Variants in ANKLE2 observed in about 807,000 individuals in gnomAD.
The protein encoded by ANKLE2 is ankyrin repeat and LEM domain containing 2.
ANKLE2 carries 55 observed loss-of-function variants against 84.2 expected under a neutral mutation model. That is an observed-to-expected ratio of 0.65 (90% CI 0.53 to 0.82). ANKLE2 has a LOEUF of 0.82. ANKLE2 is among the 40% of genes least tolerant of loss of function. The probability of loss-of-function intolerance (pLI) is 0.00; values close to 1 mark genes in which losing one functional copy is unlikely to be tolerated. For missense variants in ANKLE2, 1,238 were observed against 1,201.9 expected, an observed-to-expected ratio of 1.03 and a Z score of -0.44; for synonymous variants, 551 against 486.1, an observed-to-expected ratio of 1.13 and a Z score of -1.76.
At chr12:132,740,371 G>C (rs2136135740) in intron 7 of ANKLE2, among the ~76,000 whole-genome samples, 1 of 152,320 alleles carries the variant, frequency 6.6e-6, no homozygotes, top group Non-Finnish European at 1.5e-5. Context: ...TAAAATGTCA[G>C]ACAGTAAATA....
intron 1 of ANKLE2, 173 bp from the exon 2 acceptor site, chr12:132,755,306 G>A (rs890769025): frequency 3.4e-6 from 2 of 589,350 alleles, no homozygotes; most frequent in Non-Finnish European, 5.7e-6. Flanking sequence ...CATTTTGGGA[G>A]GCTGAGGCGG....
At chr12:132,741,328 T>C (rs1405943846) in intron 7 of ANKLE2, 91 bp downstream of exon 7, 14 of 1,315,684 alleles carry the variant, frequency 1.1e-5, no homozygotes, top group Non-Finnish European at 1.4e-5. Context: ...CCCGGGGAGC[T>C]CAGGAAAGCA....
chr12:132,744,563 ACT>A (rs1460222237), intron 5 of ANKLE2, among the ~76,000 whole-genome samples: 1 of 151,628 alleles, frequency 6.6e-6, no homozygotes, highest in Non-Finnish European at 1.5e-5. Context: ...ATCCCTTACA[ACT>A]CTCTCACACG....
At chr12:132,738,828 A>T (rs1566020803) in intron 7 of ANKLE2, 1 of 152,138 alleles carries the variant, frequency 6.6e-6, no homozygotes, top group Admixed American at 6.5e-5. Context: ...CCGGCTGCTT[A>T]TCATAGTTTT....
At chr12:132,753,433 G>A (rs986304490) in intron 2 of ANKLE2, among the ~76,000 whole-genome samples, 1 of 151,900 alleles carries the variant, frequency 6.6e-6, no homozygotes, top group African/African-American at 2.4e-5. Context: ...CAGTTCGAGA[G>A]AAGCGTGGGC....
rs1016009113 is a variant in ANKLE2 at position 132,739,618 on chromosome 12, G to A, written c.1420+1801C>T. Among the ~76,000 whole-genome samples the A allele has an allele frequency of 2.6e-5, 4 of 152,156 alleles. No individual in the cohort carries two copies. The South Asian group carries it at 6.2e-4, about 24-fold the overall frequency. ...ATTTCTGTCTACAGATGGGACTCACGGTCTCTGGACAGTTTTGTGCCTGGC... is the reference window on the plus strand; with the variant it reads ...ATTTCTGTCTACAGATGGGACTCACAGTCTCTGGACAGTTTTGTGCCTGGC... On this transcript the variant is annotated intron_variant, in intron 7 of 12. Coordinates refer to ENST00000357997, the MANE Select transcript of ANKLE2 (RefSeq NM_015114.3).
At chr12:132,730,550 CAGA>C (rs1274710516) in intron 10 of ANKLE2, 4 of 417,396 alleles carry the variant, frequency 9.6e-6, no homozygotes, top group Non-Finnish European at 1.7e-5. Flanking sequence ...GGGCCAGGCA[CAGA>C]AGCTCACGCC....
chr12:132,761,105 C>T (rs7397425), intron 1 of ANKLE2: 47,874 of 152,534 alleles, frequency 0.31, 7,859 homozygotes, highest in East Asian at 0.51. Flanking sequence ...CCAGACCCGA[C>T]AGTCTACCGC....
intron 3 of ANKLE2, among the ~76,000 whole-genome samples, chr12:132,749,787 G>A (rs955015657): frequency 2.0e-5 from 3 of 152,166 alleles, no homozygotes; most frequent in Non-Finnish European, 2.9e-5. Flanking sequence ...GTCAGACTTC[G>A]GGCTGGACCG....
chr12:132,733,782 T>G (rs547904244), intron 10 of ANKLE2, among the ~76,000 whole-genome samples: 2 of 152,296 alleles, frequency 1.3e-5, no homozygotes, highest in East Asian at 3.9e-4. Context: ...AGTATTCTGA[T>G]GTGCACTCGT....
intron 3 of ANKLE2, among the ~76,000 whole-genome samples, chr12:132,749,218 C>T (rs1593172618): frequency 6.6e-6 from 1 of 152,108 alleles, no homozygotes; most frequent in Non-Finnish European, 1.5e-5. Flanking sequence ...TGCAGTGGCG[C>T]GATCTCAGCT....
At chr12:132,738,888 G>C (rs562618461) in intron 7 of ANKLE2, 6 of 151,964 alleles carry the variant, frequency 3.9e-5, no homozygotes, top group African/African-American at 1.5e-4. Flanking sequence ...GCCCATCAAC[G>C]GTCAACTGGA....
intron 5 of ANKLE2, among the ~76,000 whole-genome samples, chr12:132,744,940 A>G (rs1309470963): frequency 6.6e-6 from 1 of 152,212 alleles, no homozygotes; most frequent in Non-Finnish European, 1.5e-5. Flanking sequence ...TCGGCCTCCC[A>G]AAGTGCTGGG....
intron 5 of ANKLE2, among the ~76,000 whole-genome samples, chr12:132,746,849 C>G (rs2044248525): frequency 6.6e-6 from 1 of 152,154 alleles, no homozygotes; most frequent in South Asian, 2.1e-4. Context: ...GTTGGTTTCA[C>G]TAACACGCTC....
In ANKLE2 at chr12:132,745,859, C is replaced by T. The variant is rs145316515; in HGVS notation, c.1230+1973G>A. ...GCCAGCCAGGACGCACACGCAGAGC[C>T]GGCTTTGAGAATAGTCCTGCCCATC... is the stretch of plus-strand genomic sequence containing the variant. On this transcript the variant is annotated intron_variant, in intron 5 of 12. Transcript: ENST00000357997. The T allele has an allele frequency of 9.0e-3, 1,387 of 153,542 alleles. 8 individuals are homozygous for T. The highest frequency in any genetic ancestry group is 0.013 in the Non-Finnish European group (857 of 68,492). 9.5% of individuals were successfully genotyped at this position (153,542 alleles called of 1,614,324 possible).
At position 132,727,123 on chromosome 12, in the gene ANKLE2, C is replaced by T; in HGVS notation, c.*119G>A. 1.9e-6 allele frequency: 2 copies of T among 1,068,388 alleles called. No individual in the cohort carries two copies. The highest frequency in any genetic ancestry group is 3.2e-4 in the Middle Eastern group (1 of 3,172). The allele number at this position is 1,068,388 out of a possible 1,614,324, so 66.2% of individuals were successfully genotyped here. A position where few individuals can be genotyped will look rare whatever the true frequency, so the allele number is the denominator to read the frequency against. On this transcript the variant is annotated 3_prime_UTR_variant, in exon 13 of 13. Coordinates refer to ENST00000357997, the MANE Select transcript of ANKLE2 (RefSeq NM_015114.3). ...ATTTAAATCTTCTAAAATTCTCACA[C>T]CCTCAAAGTGAGGAGTAATAATTTA...
intron 9 of ANKLE2, chr12:132,734,893 A>C: frequency 2.9e-6 from 1 of 348,778 alleles, no homozygotes; most frequent in Non-Finnish European, 5.2e-6. Flanking sequence ...GGACGTGTTC[A>C]TGATCACGGA....
chr12:132,740,547 G>A (rs2044099496), intron 7 of ANKLE2, among the ~76,000 whole-genome samples: 1 of 152,090 alleles, frequency 6.6e-6, no homozygotes, highest in African/African-American at 2.4e-5. Flanking sequence ...GAATCCGAGA[G>A]AGAGGAAAGC....
Position 132,734,788 on chromosome 12 carries a change from C to G in ANKLE2, c.1701-213G>C, listed in dbSNP as rs75356915. ...GGTAAGCAGGACCCGGCACAGCTCT[C>G]AGGAGCCGTGAACCGGCTGCAGGCA... On this transcript the variant is annotated intron_variant, in intron 9 of 12. Transcript: ENST00000357997. 3,575 of 545,138 alleles carry G rather than the reference C, an allele frequency of 6.6e-3. 113 individuals are homozygous for G. Among genetic ancestry groups the G allele is most frequent in the African/African-American group, 0.063 (3,247 of 51,292 alleles). 33.8% of individuals were successfully genotyped at this position (545,138 alleles called of 1,614,324 possible).
Sources: gnomAD v4.1 joint callset for allele counts (sites outside exome capture counted in the v4.1 genomes callset) on GRCh38, gnomAD v4.1.1 for gene constraint, MANE v1.5 for transcripts, NCBI Gene and HGNC (gene_info 2026-07-23, HGNC 2026-07-21) for gene names.